Variants in UGT1A1 observed in about 807,000 individuals in gnomAD.
UGT1A1 encodes the protein UDP-glucuronosyltransferase 1A1.
UGT1A1 carries 33 observed loss-of-function variants against 40.6 expected under a neutral mutation model. That is an observed-to-expected ratio of 0.81 (90% CI 0.62 to 1.09). The LOEUF (loss-of-function observed/expected upper bound fraction) is 1.09, where lower values mean the gene tolerates loss of function less well. Among genes scored for constraint, UGT1A1 ranks in the 50% least tolerant of loss-of-function variants. The probability of loss-of-function intolerance (pLI) is 0.00; values close to 1 mark genes in which losing one functional copy is unlikely to be tolerated. For missense variants in UGT1A1, 694 were observed against 671.2 expected, an observed-to-expected ratio of 1.03 and a Z score of -0.38; for synonymous variants, 249 against 265.0, an observed-to-expected ratio of 0.94 and a Z score of 0.59.
chr2:233,760,736 C>G lies in UGT1A1; in HGVS notation c.449C>G (p.Thr150Arg), dbSNP rs371418452. 6 of 1,614,160 alleles carry G rather than the reference C, an allele frequency of 3.7e-6. No homozygotes were observed. Among genetic ancestry groups the G allele is most frequent in the Non-Finnish European group, 5.1e-6 (6 of 1,180,028 alleles). ...LAESSFDVML[T>R]DPFLPCSPIV... Reference sequence around the variant, plus strand: ...GAAAGCAGCTTTGATGTCATGCTGACGGACCCTTTCCTTCCTTGCAGCCCC... The same window carrying G: ...GAAAGCAGCTTTGATGTCATGCTGAGGGACCCTTTCCTTCCTTGCAGCCCC... The change falls in exon 1 of 5, where the codon ACG (threonine) becomes AGG (arginine). Residue 150 changes from threonine (T) to arginine (R), a missense_variant. Thr to Arg is a moderately conservative substitution (Grantham distance 71, BLOSUM62 -1). Coordinates refer to ENST00000305208, the MANE Select transcript of UGT1A1 (RefSeq NM_000463.3).
intron 4 of UGT1A1, chr2:233,770,148 T>A (rs1432860944): frequency 2.0e-5 from 3 of 152,232 alleles, no homozygotes; most frequent in Admixed American, 6.5e-5. Context: ...CATTATTTTT[T>A]AAAAAAACAC....
chr2:233,761,293 G>A, intron 1 of UGT1A1, 142 bp downstream of exon 1: 1 of 1,522,614 alleles, frequency 6.6e-7, no homozygotes, highest in African/African-American at 1.4e-5. Context: ...TTGACTCCTA[G>A]GTTTGAGTCT....
At chr2:233,761,264 T>G in intron 1 of UGT1A1, 113 bp downstream of exon 1, 1 of 1,597,186 alleles carries the variant, frequency 6.3e-7, no homozygotes, top group Non-Finnish European at 8.5e-7. Flanking sequence ...TAATTTAAAA[T>G]GCCCTCTTTT....
chr2:233,772,573 A>C lies in UGT1A1; in HGVS notation c.*14A>C. 1.9e-6 allele frequency: 3 copies of C among 1,610,688 alleles called. No homozygotes were observed. Among genetic ancestry groups the C allele is most frequent in the Non-Finnish European group, 2.5e-6 (3 of 1,178,166 alleles). On this transcript the variant is annotated 3_prime_UTR_variant, in exon 5 of 5. Coordinates refer to ENST00000305208, the MANE Select transcript of UGT1A1 (RefSeq NM_000463.3). ...AAGACCCATTGAGAAGTGGGTGGGA[A>C]ATAAGGTAAAATTTTGAACCATTCC...
rs34946978 is a variant in UGT1A1 at position 233,768,226 on chromosome 2, C to T, written c.1091C>T (p.Pro364Leu). 720 of 1,614,202 alleles carry T rather than the reference C, an allele frequency of 4.5e-4. 7 individuals carry two copies. The East Asian group carries it at 9.4e-3, about 21-fold the overall frequency. The change falls in exon 4 of 5, where the codon CCG becomes CTG. Residue 364 changes from proline to leucine, a missense_variant. By Grantham distance (98) the Pro-to-Leu change is moderately conservative. Transcript: ENST00000305208. Reference sequence around the variant, plus strand: ...TCCCTATTTTGCATCTCAGGTCACCCGATGACCCGTGCCTTTATCACCCAT... The same window carrying T: ...TCCCTATTTTGCATCTCAGGTCACCTGATGACCCGTGCCTTTATCACCCAT... The part of the protein sequence containing the change: ...WLPQNDLLGH[P>L]MTRAFITHAG...
chr2:233,772,899 G>A lies in UGT1A1; in HGVS notation c.*340G>A, dbSNP rs1167184820. 6 of 428,920 alleles carry A rather than the reference G, an allele frequency of 1.4e-5. No homozygotes were observed. The highest frequency in any genetic ancestry group is 8.2e-5 in the African/African-American group (4 of 48,988). 26.6% of individuals were successfully genotyped at this position (428,920 alleles called of 1,614,324 possible). ...TGCGGGATTCAAAGGTGGTCCCACG[G>A]CTGCCCCTACTGCAAATGGCAGTTT... is the stretch of plus-strand genomic sequence containing the variant. On this transcript the variant is annotated 3_prime_UTR_variant, in exon 5 of 5. Coordinates refer to ENST00000305208, the MANE Select transcript of UGT1A1 (RefSeq NM_000463.3).
intron 3 of UGT1A1, 132 bp downstream of exon 3, chr2:233,768,068 A>G: frequency 1.3e-6 from 2 of 1,596,810 alleles, no homozygotes; most frequent in Admixed American, 3.5e-5. Flanking sequence ...CTTTTTATCT[A>G]GTGGGGTATC....
chr2:233,760,523 A>G lies in UGT1A1; in HGVS notation c.236A>G (p.Tyr79Cys), dbSNP rs1697475352. 6.2e-7 allele frequency: 1 copy of G among 1,614,204 alleles called. No individual in the cohort carries two copies. The highest frequency in any genetic ancestry group is 8.5e-7 in the Non-Finnish European group (1 of 1,180,040). Residue 79 changes from tyrosine (Y) to cysteine (C), a missense_variant, in exon 1 of 5, where the codon TAC (tyrosine) becomes TGC (cysteine). Coordinates refer to ENST00000305208, the MANE Select transcript of UGT1A1 (RefSeq NM_000463.3). ...GGAGCATTTTACACCTTGAAGACGT[A>G]CCCTGTGCCATTCCAAAGGGAGGAT... Reference protein sequence around the residue: ...RDGAFYTLKTYPVPFQREDVK... With the variant: ...RDGAFYTLKTCPVPFQREDVK...
chr2:233,765,533 A>G (rs1474506324), intron 1 of UGT1A1, among the ~76,000 whole-genome samples: 2 of 151,964 alleles, frequency 1.3e-5, no homozygotes, highest in African/African-American at 4.8e-5. Flanking sequence ...GCATGTTCTC[A>G]CTCATAAGTG....
At position 233,767,184 on chromosome 2, in the gene UGT1A1, A is replaced by T. The variant is rs1373599662; in HGVS notation, c.996+19A>T. 3.7e-6 allele frequency: 6 copies of T among 1,613,882 alleles called. No individual in the cohort carries two copies. Among genetic ancestry groups the T allele is most frequent in the Non-Finnish European group, 5.1e-6 (6 of 1,179,970 alleles). ...TCAGACAGTAAGAAGATTCTATACCATGGCCTCATATCTATTTTCACAGGA... is the reference window on the plus strand; with the variant it reads ...TCAGACAGTAAGAAGATTCTATACCTTGGCCTCATATCTATTTTCACAGGA... On this transcript the variant is annotated intron_variant, in intron 2 of 4. Coordinates refer to ENST00000305208, the MANE Select transcript of UGT1A1 (RefSeq NM_000463.3).
chr2:233,761,456 C>A (rs938437013), intron 1 of UGT1A1, among the ~76,000 whole-genome samples: 1 of 152,214 alleles, frequency 6.6e-6, no homozygotes, highest in African/African-American at 2.4e-5. Context: ...GGGTTTGGGG[C>A]ACCCTGCAGA....
At chr2:233,771,313 C>G (rs1428095504) in intron 4 of UGT1A1, 1 of 152,138 alleles carries the variant, frequency 6.6e-6, no homozygotes, top group Non-Finnish European at 1.5e-5. Context: ...CCTTTTCCCT[C>G]TCCTCTTCAA....
chr2:233,772,177 GTCT>G, intron 4 of UGT1A1, 82 bp from the exon 5 acceptor site: 1 of 1,583,018 alleles, frequency 6.3e-7, no homozygotes. Flanking sequence ...AAATCTGGTA[GTCT>G]TCTTAAGCAG....
rs1575864217 is a variant in UGT1A1, at chr2:233,771,774, C to G, written c.1305-488C>G. On this transcript the variant is annotated intron_variant, in intron 4 of 4. Transcript: ENST00000305208. ...TCCCTTCCTTCCTCCGTCCCTCTCTCCTTTCCTCTCTCCCTCCCTCCCTCC... is the reference window on the plus strand; with the variant it reads ...TCCCTTCCTTCCTCCGTCCCTCTCTGCTTTCCTCTCTCCCTCCCTCCCTCC... Among the ~76,000 whole-genome samples the G allele has an allele frequency of 2.6e-5, 4 of 152,102 alleles. No individual in the cohort carries two copies. The South Asian group carries it at 8.4e-4, about 32-fold the overall frequency.
intron 4 of UGT1A1, chr2:233,770,774 T>C (rs1700153442): frequency 6.6e-6 from 1 of 152,224 alleles, no homozygotes; most frequent in African/African-American, 2.4e-5. Context: ...TAATAATGTT[T>C]CCAAATAACA....
At position 233,760,317 on chromosome 2, in the gene UGT1A1, A is replaced by T; in HGVS notation, c.30A>T (p.Pro10=). The T allele has an allele frequency of 3.1e-6, 5 of 1,614,016 alleles. No individual in the cohort carries two copies. The highest frequency in any genetic ancestry group is 4.2e-6 in the Non-Finnish European group (5 of 1,179,992). ...CTGTGGAGTCCCAGGGCGGACGCCCACTTGTCCTGGGCCTGCTGCTGTGTG... is the reference window on the plus strand; with the variant it reads ...CTGTGGAGTCCCAGGGCGGACGCCCTCTTGTCCTGGGCCTGCTGCTGTGTG... MAVESQGGR[P]LVLGLLLCVL... is the part of the protein sequence containing the mutation. The change falls in exon 1 of 5, where the codon CCA becomes CCT. Residue 10 remains proline, a synonymous_variant. Coordinates refer to ENST00000305208, the MANE Select transcript of UGT1A1 (RefSeq NM_000463.3).
chr2:233,768,543 A>T, intron 4 of UGT1A1, 104 bp downstream of exon 4: 1 of 1,485,090 alleles, frequency 6.7e-7, no homozygotes, highest in Non-Finnish European at 8.9e-7. Context: ...TGTTTCAAAT[A>T]TAAAAACAAA....
Position 233,768,423 on chromosome 2 carries a change from G to C in UGT1A1, c.1288G>C (p.Val430Leu). ...SEDLENALKAVINDKSYKENI... is the reference protein window; with the variant it reads ...SEDLENALKALINDKSYKENI... ...AGATTTAGAAAATGCTCTAAAAGCAGTCATCAATGACAAAAGGTAAGAAAG... is the reference window on the plus strand; with the variant it reads ...AGATTTAGAAAATGCTCTAAAAGCACTCATCAATGACAAAAGGTAAGAAAG... The change falls in exon 4 of 5, where the codon GTC becomes CTC. Residue 430 changes from valine to leucine, a missense_variant. By Grantham distance (32) the Val-to-Leu change is conservative. Coordinates refer to ENST00000305208, the MANE Select transcript of UGT1A1 (RefSeq NM_000463.3). 6.2e-7 allele frequency: 1 copy of C among 1,614,098 alleles called. No individual in the cohort carries two copies. Among genetic ancestry groups the C allele is most frequent in the South Asian group, 1.1e-5 (1 of 91,060 alleles).
Position 233,769,593 on chromosome 2 carries a change from G to A in UGT1A1, c.1304+1154G>A, listed in dbSNP as rs748291102. The A allele has an allele frequency of 1.9e-5, 30 of 1,612,700 alleles. No homozygotes were observed. The East Asian group carries it at 4.2e-4, about 23-fold the overall frequency. On this transcript the variant is annotated intron_variant, in intron 4 of 4. Coordinates refer to ENST00000305208, the MANE Select transcript of UGT1A1 (RefSeq NM_000463.3). The surrounding 1 kb of genome is among the most constrained non-coding windows in gnomAD (Gnocchi z 4.4). ...GGAGCATGTTCAGATGAGAGGAGAC[G>A]GAACACGGGGACACACCAGCTTGAG... is the stretch of plus-strand genomic sequence containing the variant.
Sources: gnomAD v4.1 joint callset for allele counts (sites outside exome capture counted in the v4.1 genomes callset) on GRCh38, gnomAD v4.1.1 for gene constraint, Gnocchi (gnomAD v3.1) non-coding constraint, MANE v1.5 for transcripts, NCBI Gene and HGNC (gene_info 2026-07-23, HGNC 2026-07-21) for gene names.